The following METTL25B variants were observed in gnomAD, a reference collection of about 807,000 sequenced individuals.
The protein encoded by METTL25B is methyltransferase-like protein 25B.
METTL25B carries 38 observed loss-of-function variants against 48.4 expected under a neutral mutation model. The ratio of observed to expected loss-of-function variants is 0.78; its 90% CI spans 0.61 to 1.03. The LOEUF is 1.03. Among genes scored for constraint, METTL25B ranks in the 50% least tolerant of loss-of-function variants. The pLI is 0.00. For synonymous variants in METTL25B, 230 were observed against 254.5 expected, an observed-to-expected ratio of 0.90 and a Z score of 0.92; for missense variants, 537 against 603.7, an observed-to-expected ratio of 0.89 and a Z score of 1.16.
Position 156,729,159 on chromosome 1 carries a change from G to A in METTL25B, c.55G>A (p.Val19Ile). The change falls in exon 1 of 8, where the codon GTT (valine) becomes ATT (isoleucine). Residue 19 changes from valine to isoleucine, a missense_variant. Coordinates refer to ENST00000368216, the MANE Select transcript of METTL25B (RefSeq NM_015997.4). ...TCATGAGGGGAGGAAGCAGCTAGCT[G>A]TTAACCTCACCCGTGTCCTGGCACT... Reference protein sequence around the residue: ...LSHEGRKQLAVNLTRVLALYR... With the variant: ...LSHEGRKQLAINLTRVLALYR... The A allele has an allele frequency of 1.2e-6, 2 of 1,611,722 alleles. No homozygotes were observed. The highest frequency in any genetic ancestry group is 1.1e-5 in the South Asian group (1 of 90,862).
intron 1 of METTL25B, among the ~76,000 whole-genome samples, chr1:156,731,052 C>A (rs752407791): frequency 2.0e-5 from 3 of 152,178 alleles, no homozygotes; most frequent in Non-Finnish European, 4.4e-5. Context: ...TAGTCCTTGC[C>A]CAAACTCTCC....
intron 1 of METTL25B, among the ~76,000 whole-genome samples, chr1:156,730,648 C>A (rs1411815670): frequency 6.6e-6 from 1 of 152,126 alleles, no homozygotes; most frequent in Non-Finnish European, 1.5e-5. Context: ...AGGAGAATTG[C>A]TAGAACCAGG....
intron 1 of METTL25B, among the ~76,000 whole-genome samples, chr1:156,730,899 T>A (rs1212076355): frequency 6.6e-6 from 1 of 152,260 alleles, no homozygotes; most frequent in African/African-American, 2.4e-5. Flanking sequence ...GTCAAATGTT[T>A]ACAGCAGTAC....
chr1:156,732,581 A>G, intron 3 of METTL25B, 108 bp downstream of exon 3: 1 of 1,004,788 alleles, frequency 1.0e-6, no homozygotes, highest in Non-Finnish European at 1.5e-6. Flanking sequence ...CAGAGGCCCT[A>G]GACATTCCTT....
At position 156,729,085 on chromosome 1, in the gene METTL25B, G is replaced by T. The variant is rs753233485; in HGVS notation, c.-20G>T. Reference sequence around the variant, plus strand: ...TGTTCACTGCGTTCTCGCTCCCCGCGCTCCCTGCTGGACCCCGGGATGCCG... The same window carrying T: ...TGTTCACTGCGTTCTCGCTCCCCGCTCTCCCTGCTGGACCCCGGGATGCCG... On this transcript the variant is annotated 5_prime_UTR_variant, in exon 1 of 8. Coordinates refer to ENST00000368216, the MANE Select transcript of METTL25B (RefSeq NM_015997.4). 2.7e-6 allele frequency: 4 copies of T among 1,486,690 alleles called. No homozygotes were observed. The highest frequency in any genetic ancestry group is 1.7e-5 in the Admixed American group (1 of 58,236). 92.1% of individuals were successfully genotyped at this position (1,486,690 alleles called of 1,614,324 possible). A position where few individuals can be genotyped will look rare whatever the true frequency, so the allele number is the denominator to read the frequency against.
Position 156,729,214 on chromosome 1 carries a change from T to A in METTL25B, c.110T>A (p.Ile37Asn). Reference sequence around the variant, plus strand: ...CGTTCCATCTTGGATGCCTACATCATCGTGAGGCCACAGGGGCGTGGGTGG... The same window carrying A: ...CGTTCCATCTTGGATGCCTACATCAACGTGAGGCCACAGGGGCGTGGGTGG... Reference protein sequence around the residue: ...LYRSILDAYIIEFFTDNLWDT... With the variant: ...LYRSILDAYINEFFTDNLWDT... The change falls in exon 1 of 8, where the codon ATC becomes AAC. Residue 37 changes from isoleucine (I) to asparagine (N), a missense_variant and splice_region_variant. Transcript: ENST00000368216. The A allele has an allele frequency of 6.3e-7, 1 of 1,590,532 alleles. No individual in the cohort carries two copies. Among genetic ancestry groups the A allele is most frequent in the Non-Finnish European group, 8.6e-7 (1 of 1,160,968 alleles).
In METTL25B at chr1:156,729,128, CCTCT is replaced by C. The variant is rs111545639; in HGVS notation, c.28_31del (p.Ser10MetfsTer7). On this transcript the variant is annotated frameshift_variant, in exon 1 of 8. Coordinates refer to ENST00000368216, the MANE Select transcript of METTL25B (RefSeq NM_015997.4). LOFTEE classifies it high-confidence loss of function. ...GGATGCCGGGCATCTCCGCCCGAGG[CCTCT>C]CTCATGAGGGGAGGAAGCAGCTAGC... 1.9e-6 allele frequency: 3 copies of C among 1,609,374 alleles called. No individual in the cohort carries two copies. The highest frequency in any genetic ancestry group is 1.7e-5 in the Admixed American group (1 of 59,754).
rs1413995002 is a variant in METTL25B, at chr1:156,732,124, T to C, written c.236+9T>C. 3.1e-6 allele frequency: 5 copies of C among 1,614,186 alleles called. No homozygotes were observed. The highest frequency in any genetic ancestry group is 4.2e-6 in the Non-Finnish European group (5 of 1,180,022). ...GAAGGGGAGGTCGTCAGGTATGGGC[T>C]AGAAGGTCCCTGTGCTGGGGAACTC... is the stretch of plus-strand genomic sequence containing the variant. On this transcript the variant is annotated intron_variant, in intron 2 of 7. Coordinates refer to ENST00000368216, the MANE Select transcript of METTL25B (RefSeq NM_015997.4).
In METTL25B at chr1:156,733,521, GTAGGCCAACCC is replaced by G; in HGVS notation, c.636+3_636+13del. On this transcript the variant is annotated splice_donor_variant and splice_donor_5th_base_variant and intron_variant, in intron 5 of 7. Transcript: ENST00000368216. LOFTEE classifies it high-confidence loss of function. ...GAAAGAGGAGAAGAGGAACCCGCAGGTAGGCCAACCCTTCCTGCGACCTGGACTGCAGGAGC... is the reference window on the plus strand; with the variant it reads ...GAAAGAGGAGAAGAGGAACCCGCAGGTTCCTGCGACCTGGACTGCAGGAGC... The G allele has an allele frequency of 3.1e-6, 5 of 1,613,578 alleles. No homozygotes were observed. The highest frequency in any genetic ancestry group is 4.2e-6 in the Non-Finnish European group (5 of 1,179,960).
rs759913954 is a variant in METTL25B, at chr1:156,733,501, A to G, written c.617A>G (p.Glu206Gly). ...GAGCTTCTGCAGGCTCTGGAGAAAG[A>G]GGAGAAGAGGAACCCGCAGGTAGGC... The part of the protein sequence containing the change: ...DQELLQALEK[E>G]EKRNPQVVQT... Residue 206 changes from glutamate to glycine, a missense_variant, in exon 5 of 8, where the codon GAG becomes GGG. By Grantham distance (98) the Glu-to-Gly change is moderately conservative. Transcript: ENST00000368216. 2 of 1,613,870 alleles carry G rather than the reference A, an allele frequency of 1.2e-6. No individual in the cohort carries two copies. Among genetic ancestry groups the G allele is most frequent in the Non-Finnish European group, 8.5e-7 (1 of 1,179,984 alleles).
intron 1 of METTL25B, among the ~76,000 whole-genome samples, chr1:156,730,893 A>G (rs1649227007): frequency 6.6e-6 from 1 of 152,236 alleles, no homozygotes; most frequent in South Asian, 2.1e-4. Flanking sequence ...ATACATGTCA[A>G]ATGTTTACAG....
chr1:156,730,109 T>A (rs1295689262), intron 1 of METTL25B, among the ~76,000 whole-genome samples: 1 of 152,224 alleles, frequency 6.6e-6, no homozygotes, highest in Non-Finnish European at 1.5e-5. Context: ...TGCCCTGCCA[T>A]TACCAATTCT....
intron 1 of METTL25B, among the ~76,000 whole-genome samples, chr1:156,729,868 A>C (rs1325716463): frequency 6.6e-6 from 1 of 152,194 alleles, no homozygotes. Context: ...TGTAAATGGC[A>C]CCACCATCCA....
Position 156,728,723 on chromosome 1 carries a change from C to T in METTL25B, c.-382C>T. 2.0e-6 allele frequency: 2 copies of T among 998,710 alleles called. No homozygotes were observed. The highest frequency in any genetic ancestry group is 1.2e-6 in the Non-Finnish European group (1 of 838,118). The allele number at this position is 998,710 out of a possible 1,614,324, so 61.9% of individuals were successfully genotyped here. A position where few individuals can be genotyped will look rare whatever the true frequency, so the allele number is the denominator to read the frequency against. ...GCCGCGATAAACCGGAACTGCAGCC[C>T]GCCGGACACCTCCGGCTTCACTTCC... On this transcript the variant is annotated 5_prime_UTR_variant, in exon 1 of 8. Coordinates refer to ENST00000368216, the MANE Select transcript of METTL25B (RefSeq NM_015997.4).
At chr1:156,730,001 T>C (rs190720085) in intron 1 of METTL25B, among the ~76,000 whole-genome samples, 11 of 152,260 alleles carry the variant, frequency 7.2e-5, no homozygotes, top group African/African-American at 2.6e-4. Flanking sequence ...CCCAAATTCA[T>C]CCATTTGTCC....
intron 1 of METTL25B, among the ~76,000 whole-genome samples, chr1:156,729,791 C>T (rs987800753): frequency 1.3e-5 from 2 of 152,170 alleles, no homozygotes; most frequent in Non-Finnish European, 1.5e-5. Flanking sequence ...TGTCCTAGTC[C>T]GGGTTTCCTC....
intron 2 of METTL25B, 77 bp downstream of exon 2, chr1:156,732,192 C>T: frequency 6.2e-7 from 1 of 1,608,998 alleles, no homozygotes; most frequent in Non-Finnish European, 8.5e-7. Flanking sequence ...CAGAGAGTCT[C>T]ATAAGGTCTT....
Position 156,734,361 on chromosome 1 carries a change from A to G in METTL25B, c.989A>G (p.Gln330Arg), listed in dbSNP as rs1558022058. 6.2e-7 allele frequency: 1 copy of G among 1,614,042 alleles called. No homozygotes were observed. Among genetic ancestry groups the G allele is most frequent in the Non-Finnish European group, 8.5e-7 (1 of 1,179,958 alleles). ...HALEEYAERL[Q>R]KAGPGLRTHC... ...CTGGAGGAATATGCTGAGCGGCTAC[A>G]GAAAGCTGGCCCTGGCCTTCGAACT... The change falls in exon 6 of 8, where the codon CAG (glutamine) becomes CGG (arginine). Residue 330 changes from glutamine (Q) to arginine (R), a missense_variant. Transcript: ENST00000368216.
intron 1 of METTL25B, 54 bp from the exon 2 acceptor site, chr1:156,731,937 G>A: frequency 6.2e-7 from 1 of 1,608,680 alleles, no homozygotes; most frequent in Non-Finnish European, 8.5e-7. Flanking sequence ...GAGTGGTGTG[G>A]GAAAGAATGG....
Sources: allele counts gnomAD v4.1 joint callset (sites outside exome capture counted in the v4.1 genomes callset), GRCh38; gene constraint gnomAD v4.1.1; transcripts MANE v1.5; gene names NCBI Gene and HGNC (gene_info 2026-07-23, HGNC 2026-07-21).